Variants in ANO5 observed in about 807,000 individuals in gnomAD.
ANO5 encodes the protein anoctamin-5.
Under a neutral mutation model 121.0 loss-of-function variants are expected in ANO5, and 109 were observed. The ratio of observed to expected loss-of-function variants is 0.90; its 90% CI spans 0.77 to 1.06. The LOEUF is 1.06. ANO5 is among the 50% of genes least tolerant of loss of function. The pLI is 0.00. For missense variants in ANO5, 1,064 were observed against 1,078.5 expected, an observed-to-expected ratio of 0.99 and a Z score of 0.19; for synonymous variants, 406 against 359.9, an observed-to-expected ratio of 1.13 and a Z score of -1.45.
rs1263835124 is a variant in ANO5, at chr11:22,279,895, T to C, written c.*130T>C. On this transcript the variant is annotated 3_prime_UTR_variant, in exon 22 of 22. Transcript: ENST00000324559. ...TTTTTTTTTCTTTTTTTTTTTAAAC[T>C]CAAAGTTTTTATACACTTTTATAGA... The C allele has an allele frequency of 9.5e-6, 8 of 838,530 alleles. No individual in the cohort carries two copies. In the African/African-American group the frequency reaches 1.4e-4, roughly 15 times the overall value. 51.9% of individuals were successfully genotyped at this position (838,530 alleles called of 1,614,324 possible).
intron 3 of ANO5, among the ~76,000 whole-genome samples, chr11:22,215,625 G>A (rs1028859919): frequency 2.4e-4 from 36 of 151,764 alleles, no homozygotes; most frequent in East Asian, 5.8e-4. Context: ...GAAGTCTTTC[G>A]CATCTCAACA....
intron 17 of ANO5, among the ~76,000 whole-genome samples, chr11:22,269,594 A>G (rs1483979482): frequency 6.6e-6 from 1 of 151,974 alleles, no homozygotes; most frequent in Non-Finnish European, 1.5e-5. Flanking sequence ...AAAGAGAAAG[A>G]AAGAGTTTGC....
At chr11:22,239,463 G>T in intron 8 of ANO5, 106 bp from the exon 9 acceptor site, 1 of 788,440 alleles carries the variant, frequency 1.3e-6, no homozygotes, top group South Asian at 1.5e-5. Flanking sequence ...AAAAGTAAAA[G>T]AAAACATACC....
Position 22,259,593 on chromosome 11 carries a change from C to T in ANO5, c.1482C>T (p.Phe494=), listed in dbSNP as rs745446244. 7.6e-5 allele frequency: 122 copies of T among 1,613,974 alleles called. No homozygotes were observed. The highest frequency in any genetic ancestry group is 1.2e-4 in the Admixed American group (7 of 59,988). ...RLSVFATFAS[F]MESDASLKQV... is the part of the protein sequence containing the mutation. ...CAGTCTTTGCTACATTTGCTAGTTT[C>T]ATGGAAAGTGATGCATCCTTAAAGC... Residue 494 remains phenylalanine, a synonymous_variant, in exon 15 of 22, where the codon TTC becomes TTT. Transcript: ENST00000324559.
chr11:22,254,212 T>C (rs1349425435), intron 12 of ANO5, among the ~76,000 whole-genome samples: 3 of 152,170 alleles, frequency 2.0e-5, no homozygotes, highest in Non-Finnish European at 4.4e-5. Context: ...AGCAATTAGA[T>C]GACTGTAATG....
At chr11:22,273,616 G>C (rs895710548) in intron 19 of ANO5, among the ~76,000 whole-genome samples, 9 of 151,962 alleles carry the variant, frequency 5.9e-5, no homozygotes, top group African/African-American at 2.2e-4. Flanking sequence ...AAAATAAGCT[G>C]AGTATATAAC....
chr11:22,247,392 C>T (rs767466829), intron 9 of ANO5, among the ~76,000 whole-genome samples: 1 of 151,776 alleles, frequency 6.6e-6, no homozygotes, highest in Admixed American at 6.6e-5. Context: ...TTATTGGAAA[C>T]AAAAGATAAT....
At chr11:22,276,060 A>AT (rs5790245) in intron 20 of ANO5, 34 bp from the exon 21 acceptor site, 1,810 of 1,051,988 alleles carry the variant, frequency 1.7e-3, no homozygotes, top group African/African-American at 3.4e-3. Flanking sequence ...AACTATTATT[A>AT]TTTTTTTTTT....
At chr11:22,240,407 G>C (rs879847455) in intron 9 of ANO5, among the ~76,000 whole-genome samples, 3 of 151,810 alleles carry the variant, frequency 2.0e-5, no homozygotes, top group African/African-American at 7.3e-5. Flanking sequence ...ATTTATACTT[G>C]CATTGCTATG....
intron 9 of ANO5, among the ~76,000 whole-genome samples, chr11:22,244,522 A>G (rs375475696): frequency 4.5e-4 from 68 of 151,214 alleles, no homozygotes; most frequent in Non-Finnish European, 7.1e-4. Flanking sequence ...AGGAATGCCA[A>G]TAAGTCATAA....
chr11:22,217,672 C>T (rs1035268752), intron 3 of ANO5, among the ~76,000 whole-genome samples: 2 of 151,772 alleles, frequency 1.3e-5, no homozygotes, highest in African/African-American at 4.8e-5. Flanking sequence ...AGCAAACTAA[C>T]ACAAAAACAG....
chr11:22,273,089 A>ATACTT (rs1022569761), intron 19 of ANO5, 100 bp downstream of exon 19: 5 of 1,262,174 alleles, frequency 4.0e-6, no homozygotes, highest in Non-Finnish European at 5.8e-6. Flanking sequence ...CATTATGGTG[A>ATACTT]TACTTTATAA....
At chr11:22,194,672 A>G (rs752871026) in intron 1 of ANO5, among the ~76,000 whole-genome samples, 7 of 152,308 alleles carry the variant, frequency 4.6e-5, no homozygotes, top group Non-Finnish European at 8.8e-5. Flanking sequence ...GACCATTCGA[A>G]TAAATAGAAT....
rs72105710 is a variant in ANO5, at chr11:22,274,548, CT to C, written c.2236-10del. 0.11 allele frequency: 123,259 copies of C among 1,076,456 alleles called. 2,188 individuals are homozygous for C. The highest frequency in any genetic ancestry group is 0.12 in the Non-Finnish European group (97,803 of 787,964). The allele number at this position is 1,076,456 out of a possible 1,614,324, so 66.7% of individuals were successfully genotyped here. A position where few individuals can be genotyped will look rare whatever the true frequency, so the allele number is the denominator to read the frequency against. On this transcript the variant is annotated intron_variant, in intron 19 of 21. Transcript: ENST00000324559. ...TAAATTGGCAGCTGATGATCTTCCT[CT>C]TTTTTTTTTTATTCTTCAGGCCTTT... is the stretch of plus-strand genomic sequence containing the variant.
chr11:22,274,796 T>C (rs567235392), intron 20 of ANO5, 49 bp downstream of exon 20: 1 of 1,587,604 alleles, frequency 6.3e-7, no homozygotes, highest in South Asian at 1.1e-5. Flanking sequence ...CCCTTAAGCG[T>C]ATTTCTTAAG....
intron 17 of ANO5, among the ~76,000 whole-genome samples, chr11:22,270,109 T>C (rs900618400): frequency 4.6e-5 from 7 of 152,200 alleles, no homozygotes; most frequent in African/African-American, 1.7e-4. Flanking sequence ...ATCACCCTAA[T>C]AAAGAACTCT....
At chr11:22,269,087 C>T (rs1047254321) in intron 17 of ANO5, among the ~76,000 whole-genome samples, 31 of 125,968 alleles carry the variant, frequency 2.5e-4, no homozygotes, top group East Asian at 6.9e-4. Flanking sequence ...GAAGGAAGGA[C>T]GGAAGGAAGC....
intron 21 of ANO5, 146 bp downstream of exon 21, chr11:22,276,345 T>C (rs1195281877): frequency 5.7e-6 from 4 of 703,938 alleles, no homozygotes; most frequent in Non-Finnish European, 1.0e-5. Context: ...AAAAGCACCT[T>C]AGGGATATTC....
At chr11:22,236,080 A>G in intron 7 of ANO5, 83 bp from the exon 8 acceptor site, 1 of 887,880 alleles carries the variant, frequency 1.1e-6, no homozygotes. Flanking sequence ...TTCAAAGTAG[A>G]CATTGTTAAA....
Sources: gnomAD v4.1 joint callset for allele counts (sites outside exome capture counted in the v4.1 genomes callset) on GRCh38, gnomAD v4.1.1 for gene constraint, MANE v1.5 for transcripts, NCBI Gene and HGNC (gene_info 2026-07-23, HGNC 2026-07-21) for gene names.